NALCN: variants seen among roughly 807,000 people sequenced by gnomAD.
NALCN encodes the protein sodium leak channel, non-selective.
NALCN carries 111 observed loss-of-function variants against 225.3 expected under a neutral mutation model. The ratio of observed to expected loss-of-function variants is 0.49; its 90% CI spans 0.42 to 0.58. NALCN has a LOEUF of 0.58. NALCN is among the 20% of genes least tolerant of loss of function. NALCN has a pLI of 0.00. For missense variants in NALCN, 1,378 were observed against 2,202.4 expected (o/e 0.63, Z 7.49); for synonymous variants, 764 against 769.0 (o/e 0.99, Z 0.11).
intron 28 of NALCN, among the ~76,000 whole-genome samples, chr13:101,092,614 A>T (rs1355973458): frequency 1.3e-5 from 2 of 152,108 alleles, no homozygotes; most frequent in Admixed American, 6.6e-5. Context: ...TTGGCCCTGC[A>T]TAGTTGGGGT....
chr13:101,124,761 T>C, intron 17 of NALCN, 80 bp from the exon 18 acceptor site: 2 of 1,112,002 alleles, frequency 1.8e-6, no homozygotes, highest in Non-Finnish European at 2.7e-6. Flanking sequence ...TAGATGACAT[T>C]GTTAAAACAT....
chr13:101,171,295 CTT>C (rs2038703069), intron 15 of NALCN, among the ~76,000 whole-genome samples: 2 of 147,952 alleles, frequency 1.4e-5, no homozygotes, highest in South Asian at 4.2e-4. Flanking sequence ...TAAATATAAT[CTT>C]TATATTTAAT....
chr13:101,093,866 A>C (rs924472347), intron 28 of NALCN, among the ~76,000 whole-genome samples: 2 of 152,306 alleles, frequency 1.3e-5, no homozygotes, highest in Admixed American at 1.3e-4. Context: ...TGAGGAAAGG[A>C]AGAAAAGTTG....
chr13:101,237,941 A>G lies in NALCN; in HGVS notation c.1267-19T>C, dbSNP rs2041622334. 1.3e-6 allele frequency: 2 copies of G among 1,565,226 alleles called. No individual in the cohort carries two copies. The highest frequency in any genetic ancestry group is 2.8e-5 in the African/African-American group (2 of 72,248). On this transcript the variant is annotated intron_variant, in intron 11 of 43. Coordinates refer to ENST00000251127, the MANE Select transcript of NALCN (RefSeq NM_052867.4). ...AAGCCACCTAGAGAAACAAAGAAAC[A>G]TTGAAATTGAAATTCAGAACTATAA...
intron 15 of NALCN, among the ~76,000 whole-genome samples, chr13:101,146,139 T>G (rs1566339222): frequency 6.6e-6 from 1 of 152,220 alleles, no homozygotes; most frequent in African/African-American, 2.4e-5. Context: ...GATGAGATTA[T>G]ACATCCTGAT....
At chr13:101,118,069 G>A (rs2139674634) in intron 18 of NALCN, among the ~76,000 whole-genome samples, 1 of 152,218 alleles carries the variant, frequency 6.6e-6, no homozygotes, top group Middle Eastern at 3.4e-3. Context: ...CCTAGTGTCA[G>A]CTACAGACTT....
At chr13:101,306,150 G>A (rs760148149) in intron 7 of NALCN, among the ~76,000 whole-genome samples, 1 of 152,136 alleles carries the variant, frequency 6.6e-6, no homozygotes, top group Admixed American at 6.5e-5. Context: ...AGGCCAGTTG[G>A]TGACCCACAC....
chr13:101,107,631 A>G (rs1044233119), intron 21 of NALCN, 22 bp from the exon 22 acceptor site: 1 of 1,614,054 alleles, frequency 6.2e-7, no homozygotes, highest in Non-Finnish European at 8.5e-7. Context: ...AATTCATGGG[A>G]GAATGAGGCT....
chr13:101,179,472 G>T (rs1384272617), intron 14 of NALCN, among the ~76,000 whole-genome samples: 1 of 152,116 alleles, frequency 6.6e-6, no homozygotes, highest in Non-Finnish European at 1.5e-5. Flanking sequence ...CTCCATTTCT[G>T]TTGGGGGCTG....
intron 17 of NALCN, among the ~76,000 whole-genome samples, chr13:101,140,779 G>T (rs112283766): frequency 3.0e-4 from 46 of 152,160 alleles, no homozygotes; most frequent in African/African-American, 1.1e-3. Context: ...AATCAAAAAA[G>T]CCAGGCATGG....
intron 6 of NALCN, among the ~76,000 whole-genome samples, chr13:101,353,410 T>G (rs1328396290): frequency 6.6e-6 from 1 of 152,210 alleles, no homozygotes; most frequent in Non-Finnish European, 1.5e-5. Flanking sequence ...CACTCTTATT[T>G]AGCTTCCTCT....
At chr13:101,252,296 T>C (rs1455028632) in intron 11 of NALCN, among the ~76,000 whole-genome samples, 2 of 152,164 alleles carry the variant, frequency 1.3e-5, no homozygotes, top group Non-Finnish European at 2.9e-5. Context: ...ATAATTGAAA[T>C]GAGATGAAAA....
intron 14 of NALCN, among the ~76,000 whole-genome samples, chr13:101,182,829 T>C (rs2039294593): frequency 1.3e-5 from 2 of 151,644 alleles, no homozygotes; most frequent in South Asian, 4.1e-4. Flanking sequence ...GAGGTGAGAA[T>C]GACTTTGCGG....
chr13:101,321,831 A>C (rs2044755986), intron 7 of NALCN, among the ~76,000 whole-genome samples: 1 of 152,190 alleles, frequency 6.6e-6, no homozygotes, highest in East Asian at 1.9e-4. Context: ...CATTAAACTC[A>C]TAATAATGTT....
chr13:101,070,063 G>GTTTTTTTTTTTTTTT (rs71121162), intron 37 of NALCN, among the ~76,000 whole-genome samples: 6 of 98,312 alleles, frequency 6.1e-5, no homozygotes, highest in East Asian at 3.2e-4. Context: ...AATCATGAAT[G>GTTTTTTTTTTTTTTT]TTTTTTTTTT....
At position 101,055,445 on chromosome 13, in the gene NALCN, C is replaced by T. The variant is rs2031101280; in HGVS notation, c.5067G>A (p.Arg1689=). 1.9e-6 allele frequency: 3 copies of T among 1,614,104 alleles called. No individual in the cohort carries two copies. The highest frequency in any genetic ancestry group is 1.7e-5 in the Admixed American group (1 of 60,008). ...ISHSVSSVNL[R]FGGRTTMKSV... ...ATTTCATGGTTGTCCTTCCTCCAAACCGTAAGTTGACTGAGGACACTGAAT... is the reference window on the plus strand; with the variant it reads ...ATTTCATGGTTGTCCTTCCTCCAAATCGTAAGTTGACTGAGGACACTGAAT... The change falls in exon 44 of 44, where the codon CGG becomes CGA. Residue 1689 remains arginine (R), a synonymous_variant. Transcript: ENST00000251127.
Position 101,083,713 on chromosome 13 carries a change from G to T in NALCN, c.3581C>A (p.Pro1194Gln). ...TAAAATCAGAGCATTTTGGGTACCC[G>T]GGCGAGGCGGAAGATGAAGAGGCTG... Reference protein sequence around the residue: ...IAQPLHLPPRPDNDGFRAKMY... With the variant: ...IAQPLHLPPRQDNDGFRAKMY... The change falls in exon 31 of 44, where the codon CCG (proline) becomes CAG (glutamine). Residue 1194 changes from proline (P) to glutamine (Q), a missense_variant and splice_region_variant. Pro to Gln is a moderately conservative substitution (Grantham distance 76). Around this residue, in one of 19 missense-constraint regions of NALCN, gnomAD observed 98 missense variants for 156.6 expected, o/e 0.63. Coordinates refer to ENST00000251127, the MANE Select transcript of NALCN (RefSeq NM_052867.4). The T allele has an allele frequency of 6.2e-7, 1 of 1,613,216 alleles. No homozygotes were observed. Among genetic ancestry groups the T allele is most frequent in the East Asian group, 2.2e-5 (1 of 44,854 alleles).
At chr13:101,397,785 A>G (rs148150558) in intron 2 of NALCN, among the ~76,000 whole-genome samples, 1 of 152,172 alleles carries the variant, frequency 6.6e-6, no homozygotes, top group Non-Finnish European at 1.5e-5. Context: ...ATTTATAGAT[A>G]ACTTTATATT....
At chr13:101,077,682 A>G (rs2033348719) in intron 34 of NALCN, among the ~76,000 whole-genome samples, 1 of 152,216 alleles carries the variant, frequency 6.6e-6, no homozygotes, top group Non-Finnish European at 1.5e-5. Flanking sequence ...ATATTTGGAA[A>G]ATGTGCAGTC....
Sources: allele counts gnomAD v4.1 joint callset (sites outside exome capture counted in the v4.1 genomes callset), GRCh38; gene constraint gnomAD v4.1.1; regional missense constraint gnomAD v4.1.1; transcripts MANE v1.5; gene names NCBI Gene and HGNC (gene_info 2026-07-23, HGNC 2026-07-21).